MYOF: variants seen among roughly 807,000 people sequenced by gnomAD.
The protein encoded by MYOF is myoferlin, also known as fer-1-like 3, myoferlin.
MYOF carries 244 observed loss-of-function variants against 284.2 expected under a neutral mutation model. The observed-to-expected ratio is 0.86, with a 90% CI of 0.77 to 0.95. The LOEUF (loss-of-function observed/expected upper bound fraction) is 0.95, where lower values mean the gene tolerates loss of function less well. Among genes scored for constraint, MYOF ranks in the 40% least tolerant of loss-of-function variants. The pLI, the probability that MYOF is intolerant of heterozygous loss-of-function variation, is 0.00. For synonymous variants in MYOF, 904 were observed against 919.7 expected (o/e 0.98, Z 0.31); for missense variants, 2,496 against 2,560.6 (o/e 0.97, Z 0.54).
intron 5 of MYOF, among the ~76,000 whole-genome samples, chr10:93,412,549 G>T (rs139911467): frequency 0.015 from 2,288 of 152,046 alleles, 26 homozygotes; most frequent in Middle Eastern, 0.027. Flanking sequence ...AGTTAGTCCC[G>T]CTCTCTCCTA....
intron 3 of MYOF, among the ~76,000 whole-genome samples, chr10:93,438,192 T>A (rs1001930138): frequency 6.6e-6 from 1 of 152,086 alleles, no homozygotes. Context: ...TTCCATCCAC[T>A]GACCCCCCAC....
At position 93,396,128 on chromosome 10, in the gene MYOF, G is replaced by A. The variant is rs367595702; in HGVS notation, c.1417+14C>T. On this transcript the variant is annotated intron_variant, in intron 16 of 53. Coordinates refer to ENST00000359263, the MANE Select transcript of MYOF (RefSeq NM_013451.4). ...CTGTATCCAGTCTTGTTCTAGATCTGTTGAGTGACTTACCTTCCACTTCCC... is the reference window on the plus strand; with the variant it reads ...CTGTATCCAGTCTTGTTCTAGATCTATTGAGTGACTTACCTTCCACTTCCC... 4.1e-5 allele frequency: 66 copies of A among 1,593,404 alleles called. No homozygotes were observed. The highest frequency in any genetic ancestry group is 5.3e-5 in the Non-Finnish European group (62 of 1,164,600).
intron 38 of MYOF, among the ~76,000 whole-genome samples, chr10:93,341,193 C>T (rs1843890081): frequency 6.6e-6 from 1 of 152,024 alleles, no homozygotes; most frequent in African/African-American, 2.4e-5. Context: ...CTTACATTCT[C>T]AATGGTTCCT....
chr10:93,341,538 A>T (rs1843913929), intron 38 of MYOF, among the ~76,000 whole-genome samples: 1 of 152,162 alleles, frequency 6.6e-6, no homozygotes. Context: ...CAGCCTCCCA[A>T]AGTGCTGGGA....
intron 3 of MYOF, among the ~76,000 whole-genome samples, chr10:93,448,919 T>C (rs1292040321): frequency 3.9e-5 from 6 of 151,924 alleles, no homozygotes; most frequent in Non-Finnish European, 7.4e-5. Context: ...CACTTGAACC[T>C]GGGAGGCAGA....
intron 28 of MYOF, among the ~76,000 whole-genome samples, chr10:93,361,168 C>T (rs71480864): frequency 0.011 from 1,693 of 152,282 alleles, 21 homozygotes; most frequent in Non-Finnish European, 0.019. Context: ...ACCCCTCTCA[C>T]GTGCAGTTCA....
At chr10:93,358,750 G>A (rs1448982784) in intron 29 of MYOF, among the ~76,000 whole-genome samples, 1 of 152,188 alleles carries the variant, frequency 6.6e-6, no homozygotes, top group Non-Finnish European at 1.5e-5. Flanking sequence ...GCTGAACAAT[G>A]AGAACACTTG....
intron 29 of MYOF, among the ~76,000 whole-genome samples, chr10:93,359,149 A>T (rs2133919414): frequency 6.6e-6 from 1 of 152,218 alleles, no homozygotes; most frequent in South Asian, 2.1e-4. Flanking sequence ...TCCTGTTTGG[A>T]CTTAGCCCGG....
chr10:93,447,302 T>C (rs2056458309), intron 3 of MYOF, among the ~76,000 whole-genome samples: 1 of 152,146 alleles, frequency 6.6e-6, no homozygotes, highest in South Asian at 2.1e-4. Flanking sequence ...ACAGCCCCTT[T>C]ACCTCCCTTC....
intron 1 of MYOF, among the ~76,000 whole-genome samples, chr10:93,476,134 C>T (rs140186889): frequency 6.6e-6 from 1 of 151,814 alleles, no homozygotes; most frequent in Non-Finnish European, 1.5e-5. Flanking sequence ...CTTGATGAGT[C>T]CTATGGTGCT....
Position 93,348,280 on chromosome 10 carries a change from C to T in MYOF, c.4084-498G>A, listed in dbSNP as rs79480707. On this transcript the variant is annotated intron_variant, in intron 36 of 53. Coordinates refer to ENST00000359263, the MANE Select transcript of MYOF (RefSeq NM_013451.4). ...TAGAAATGGTCAAGACAAAACTGAA[C>T]TTCTAAGGGAAATAACTGTGGCTGA... is the stretch of plus-strand genomic sequence containing the variant. Among the ~76,000 whole-genome samples, 1,025 of 152,290 alleles carry T rather than the reference C, an allele frequency of 6.7e-3. 8 individuals carry two copies. The highest frequency in any genetic ancestry group is 0.023 in the African/African-American group (975 of 41,548).
At chr10:93,333,629 A>C (rs1843449311) in intron 42 of MYOF, 129 bp downstream of exon 42, 1 of 1,267,408 alleles carries the variant, frequency 7.9e-7, no homozygotes, top group South Asian at 1.5e-5. Context: ...TCCTGAATAC[A>C]TTGTTTTGAT....
At chr10:93,421,705 T>A (rs1848364266) in intron 5 of MYOF, among the ~76,000 whole-genome samples, 1 of 152,104 alleles carries the variant, frequency 6.6e-6, no homozygotes, top group Non-Finnish European at 1.5e-5. Context: ...TGGCTCCCCT[T>A]CCCCTTCCCC....
Position 93,351,705 on chromosome 10 carries a change from G to C in MYOF, c.3623C>G (p.Pro1208Arg), listed in dbSNP as rs1447957989. 6.3e-7 allele frequency: 1 copy of C among 1,591,480 alleles called. No individual in the cohort carries two copies. The highest frequency in any genetic ancestry group is 1.4e-5 in the African/African-American group (1 of 73,366). The change falls in exon 33 of 54, where the codon CCA becomes CGA. Residue 1208 changes from proline to arginine, a missense_variant. Physicochemically the swap from Pro to Arg is moderately radical, Grantham distance 103. Coordinates refer to ENST00000359263, the MANE Select transcript of MYOF (RefSeq NM_013451.4). ...AAAAAGTTCCATGATAACTTTGGGT[G>C]GATTCTGTAGAACTGTTTGGGGTTC... ...YGEPQTVLQN[P>R]PKVIMELFDN...
At chr10:93,430,380 G>A (rs1030506576) in intron 4 of MYOF, among the ~76,000 whole-genome samples, 3 of 151,656 alleles carry the variant, frequency 2.0e-5, no homozygotes, top group Non-Finnish European at 4.4e-5. Flanking sequence ...TCAGGAGTTC[G>A]AGACCAGCCT....
chr10:93,325,876 G>T lies in MYOF; in HGVS notation c.5221C>A (p.His1741Asn), dbSNP rs1222620083. The part of the protein sequence containing the change: ...ILRTQGLVPE[H>N]VETRTLHSTF... ...CTGTGCAAAGTCCTTGTTTCCACGT[G>T]CTCAGGGACCAGCCCCTGAGTCCTG... Residue 1741 changes from histidine (H) to asparagine (N), a missense_variant, in exon 46 of 54, where the codon CAC becomes AAC. His to Asn is a moderately conservative substitution (Grantham distance 68, BLOSUM62 1). This residue lies in a region of MYOF where 2,436 missense variants were observed against 2,480.7 expected (regional missense o/e 0.98). Transcript: ENST00000359263. 6.2e-7 allele frequency: 1 copy of T among 1,614,036 alleles called. No homozygotes were observed. The highest frequency in any genetic ancestry group is 8.5e-7 in the Non-Finnish European group (1 of 1,180,002).
intron 1 of MYOF, among the ~76,000 whole-genome samples, chr10:93,471,680 G>A (rs1240499568): frequency 6.6e-6 from 1 of 152,190 alleles, no homozygotes; most frequent in African/African-American, 2.4e-5. Context: ...CCTGAGGTCA[G>A]GAGATCGAGA....
chr10:93,468,814 G>A (rs2057069730), intron 1 of MYOF, among the ~76,000 whole-genome samples: 1 of 152,208 alleles, frequency 6.6e-6, no homozygotes, highest in Non-Finnish European at 1.5e-5. Context: ...GGGAGAGCTG[G>A]GAGTCAGGAG....
At chr10:93,308,784 T>A (rs1842250644) in intron 53 of MYOF, among the ~76,000 whole-genome samples, 1 of 149,358 alleles carries the variant, frequency 6.7e-6, no homozygotes, top group Non-Finnish European at 1.5e-5. Context: ...TGGTCTCAGC[T>A]CACTGCAACC....
Sources: gnomAD v4.1 joint callset for allele counts (sites outside exome capture counted in the v4.1 genomes callset) on GRCh38, gnomAD v4.1.1 for gene constraint, gnomAD v4.1.1 regional missense constraint, MANE v1.5 for transcripts, NCBI Gene and HGNC (gene_info 2026-07-23, HGNC 2026-07-21) for gene names.